PDE11A: variants seen among roughly 807,000 people sequenced by gnomAD.
PDE11A encodes the protein phosphodiesterase 11A.
In PDE11A, 100 loss-of-function variants were observed where a neutral mutation model predicts 100.5. The ratio of observed to expected loss-of-function variants is 1.00; its 90% CI spans 0.85 to 1.18. The LOEUF (loss-of-function observed/expected upper bound fraction) is 1.18. Among genes scored for constraint, PDE11A ranks in the 50% most tolerant of loss-of-function variants. PDE11A has a pLI of 0.00. For missense variants in PDE11A, 1,141 were observed against 1,152.6 expected (o/e 0.99, Z 0.15); for synonymous variants, 381 against 420.8 (o/e 0.91, Z 1.16).
At chr2:177,926,276 A>C (rs1218610373) in intron 2 of PDE11A, among the ~76,000 whole-genome samples, 85 of 152,186 alleles carry the variant, frequency 5.6e-4, no homozygotes, top group Admixed American at 5.6e-3. Context: ...ACTTCTACTA[A>C]ATTTTTTTAA....
At chr2:177,644,521 C>T (rs2080191425) in intron 19 of PDE11A, among the ~76,000 whole-genome samples, 1 of 152,220 alleles carries the variant, frequency 6.6e-6, no homozygotes, top group African/African-American at 2.4e-5. Context: ...AAGTAACTAA[C>T]TTGCTTTTGA....
intron 13 of PDE11A, among the ~76,000 whole-genome samples, chr2:177,705,792 T>A (rs2081269227): frequency 6.6e-6 from 1 of 152,258 alleles, no homozygotes; most frequent in Non-Finnish European, 1.5e-5. Flanking sequence ...CAGATTAATG[T>A]GCCCCAGTAT....
At chr2:177,893,942 A>G (rs2084570632) in intron 4 of PDE11A, among the ~76,000 whole-genome samples, 1 of 152,226 alleles carries the variant, frequency 6.6e-6, no homozygotes, top group South Asian at 2.1e-4. Context: ...ATCTTCTAAT[A>G]CAGTAGATTA....
At chr2:178,085,725 G>C (rs1015187272) in intron 2 of PDE11A, among the ~76,000 whole-genome samples, 2 of 152,130 alleles carry the variant, frequency 1.3e-5, no homozygotes, top group African/African-American at 4.8e-5. Context: ...AGAGATCCTA[G>C]AAGTTGCCCA....
chr2:178,005,083 T>C (rs1164915953), intron 2 of PDE11A, among the ~76,000 whole-genome samples: 1 of 151,142 alleles, frequency 6.6e-6, no homozygotes, highest in South Asian at 2.1e-4. Context: ...ACATGAAAAA[T>C]AAATGAACTC....
intron 1 of PDE11A, among the ~76,000 whole-genome samples, chr2:178,020,924 G>GGGGTGTGTGT (rs1491389840): frequency 4.0e-5 from 5 of 125,740 alleles, no homozygotes; most frequent in Non-Finnish European, 6.7e-5. Context: ...TTTTTGTCTT[G>GGGGTGTGTGT]GTGTGTGTGT....
intron 19 of PDE11A, among the ~76,000 whole-genome samples, chr2:177,636,517 A>G (rs1476922382): frequency 6.6e-6 from 1 of 152,208 alleles, no homozygotes; most frequent in African/African-American, 2.4e-5. Flanking sequence ...TCAGACTGTA[A>G]TAAGTGCTTA....
intron 2 of PDE11A, among the ~76,000 whole-genome samples, chr2:178,013,703 G>A (rs2086298491): frequency 6.6e-6 from 1 of 152,112 alleles, no homozygotes; most frequent in Admixed American, 6.6e-5. Context: ...GTTCTTTGAG[G>A]ACTCTCTCTC....
intron 10 of PDE11A, among the ~76,000 whole-genome samples, chr2:177,737,432 T>TACAC (rs1237615399): frequency 7.3e-6 from 1 of 136,550 alleles, no homozygotes; most frequent in African/African-American, 2.6e-5. Flanking sequence ...CACACACACA[T>TACAC]ACACACACAC....
chr2:177,993,365 CT>C (rs1309628185), intron 2 of PDE11A, among the ~76,000 whole-genome samples: 1 of 148,710 alleles, frequency 6.7e-6, no homozygotes, highest in Non-Finnish European at 1.5e-5. Flanking sequence ...CTTTATTTTT[CT>C]TCTTTTTAAA....
chr2:177,971,372 T>G (rs1038761031), intron 2 of PDE11A, among the ~76,000 whole-genome samples: 2 of 152,180 alleles, frequency 1.3e-5, no homozygotes, highest in African/African-American at 2.4e-5. Context: ...TTAGAACTCA[T>G]GAGGGCTAAG....
chr2:177,872,211 C>T (rs1310977178), intron 5 of PDE11A, among the ~76,000 whole-genome samples: 2 of 152,134 alleles, frequency 1.3e-5, no homozygotes, highest in African/African-American at 4.8e-5. Flanking sequence ...GGAATAACTG[C>T]CTCCAAACAA....
At position 178,072,135 on chromosome 2, in the gene PDE11A, G is replaced by C. The variant is rs1337968960; in HGVS notation, c.303C>G (p.Ser101Arg). ...CATCGCCCCTGCTGCCACCGGCCCAGCTGGGACTCAAGGGAACCCCACCAC... is the reference window on the plus strand; with the variant it reads ...CATCGCCCCTGCTGCCACCGGCCCACCTGGGACTCAAGGGAACCCCACCAC... Reference protein sequence around the residue: ...GDCGGVPLSPSWAGGSRGDGN... With the variant: ...GDCGGVPLSPRWAGGSRGDGN... The change falls in exon 1 of 20, where the codon AGC becomes AGG. Residue 101 changes from serine to arginine, a missense_variant. By Grantham distance (110) the Ser-to-Arg change is moderately radical (BLOSUM62 -1). Coordinates refer to ENST00000286063, the MANE Select transcript of PDE11A (RefSeq NM_016953.4). 6.2e-7 allele frequency: 1 copy of C among 1,613,932 alleles called. No homozygotes were observed. Among genetic ancestry groups the C allele is most frequent in the Non-Finnish European group, 8.5e-7 (1 of 1,179,856 alleles).
intron 1 of PDE11A, among the ~76,000 whole-genome samples, chr2:178,107,971 C>A (rs2087641338): frequency 6.6e-6 from 1 of 152,110 alleles, no homozygotes; most frequent in African/African-American, 2.4e-5. Context: ...CCGCCTGCCA[C>A]GGCTTCCCAA....
chr2:177,733,152 T>G (rs2081719091), intron 10 of PDE11A, among the ~76,000 whole-genome samples: 1 of 152,172 alleles, frequency 6.6e-6, no homozygotes, highest in South Asian at 2.1e-4. Context: ...CAAATCAAAG[T>G]CAATTTCTCC....
Position 177,705,062 on chromosome 2 carries a change from G to C in PDE11A, c.2154-3851C>G, listed in dbSNP as rs113834731. 1.1e-3 allele frequency among the ~76,000 whole-genome samples: 162 copies of C among 152,154 alleles called. 1 individual carries two copies. Among genetic ancestry groups the C allele is most frequent in the African/African-American group, 3.5e-3 (145 of 41,514 alleles). On this transcript the variant is annotated intron_variant, in intron 13 of 19. Coordinates refer to ENST00000286063, the MANE Select transcript of PDE11A (RefSeq NM_016953.4). ...TCACCATGTTGGCCAGGCTGGTCTC[G>C]AACTCCTGACCTTGTGATCTGCCCG...
At chr2:178,008,726 C>G (rs16866000) in intron 2 of PDE11A, among the ~76,000 whole-genome samples, 26,748 of 152,088 alleles carry the variant, frequency 0.18, 2,695 homozygotes, top group Middle Eastern at 0.28. Flanking sequence ...ATCATTCAGG[C>G]ACCATCCTCA....
At chr2:177,935,996 T>G (rs2085267841) in intron 2 of PDE11A, among the ~76,000 whole-genome samples, 1 of 152,184 alleles carries the variant, frequency 6.6e-6, no homozygotes, top group African/African-American at 2.4e-5. Context: ...TTTATATAAT[T>G]TTGCTTTATT....
intron 5 of PDE11A, among the ~76,000 whole-genome samples, chr2:177,842,405 C>T (rs559535989): frequency 6.6e-6 from 1 of 152,260 alleles, no homozygotes; most frequent in East Asian, 1.9e-4. Flanking sequence ...GAACAAAAGA[C>T]ACAAATGCAG....
Sources: allele counts gnomAD v4.1 joint callset (sites outside exome capture counted in the v4.1 genomes callset), GRCh38; gene constraint gnomAD v4.1.1; transcripts MANE v1.5; gene names NCBI Gene and HGNC (gene_info 2026-07-23, HGNC 2026-07-21).